The following BRSK1 variants were observed in gnomAD, a reference collection of about 807,000 sequenced individuals.
The protein encoded by BRSK1 is BR serine/threonine kinase 1.
A neutral mutation model predicts 86.2 loss-of-function variants in BRSK1; 17 were observed. That is an observed-to-expected ratio of 0.20 (90% CI 0.14 to 0.30). BRSK1 has a LOEUF of 0.30. Ranked by LOEUF, BRSK1 falls within the 10% of genes least tolerant of loss-of-function variation. The pLI is 1.00. For synonymous variants in BRSK1, 464 were observed against 440.1 expected (o/e 1.05, Z -0.68); for missense variants, 719 against 1,071.9 (o/e 0.67, Z 4.60).
intron 3 of BRSK1, among the ~76,000 whole-genome samples, chr19:55,288,293 T>G (rs752881328): frequency 2.6e-5 from 4 of 151,846 alleles, no homozygotes; most frequent in Non-Finnish European, 5.9e-5. Flanking sequence ...CTGAGCAACA[T>G]GGCAAAACCC....
chr19:55,285,988 T>A (rs1223849687), intron 1 of BRSK1, among the ~76,000 whole-genome samples: 1 of 133,490 alleles, frequency 7.5e-6, no homozygotes, highest in Non-Finnish European at 1.6e-5. Flanking sequence ...GTGCTGGGTC[T>A]GAGGGAGGAG....
intron 17 of BRSK1, among the ~76,000 whole-genome samples, chr19:55,308,057 G>A (rs1465622833): frequency 7.0e-6 from 1 of 141,878 alleles, no homozygotes; most frequent in Non-Finnish European, 1.5e-5. Context: ...GTCTTGCTCT[G>A]TCGTCCAGGC....
chr19:55,293,897 GTC>G lies in BRSK1; in HGVS notation c.459-115_459-114del, dbSNP rs536398562. The stretch of plus-strand genomic sequence containing the variant: ...CAAAATTAATGAATGATAATAAATG[GTC>G]TCTCATCCCCTAAAAATCCAAAAAG... On this transcript the variant is annotated intron_variant, in intron 4 of 18. Coordinates refer to ENST00000309383, the MANE Select transcript of BRSK1 (RefSeq NM_032430.2). 1.3e-3 allele frequency: 920 copies of G among 710,822 alleles called. 6 individuals carry two copies. In the African/African-American group the frequency reaches 0.015, roughly 11 times the overall value. 44.0% of individuals were successfully genotyped at this position (710,822 alleles called of 1,614,324 possible). A position where few individuals can be genotyped will look rare whatever the true frequency, so the allele number is the denominator to read the frequency against.
Position 55,303,589 on chromosome 19 carries a change from A to G in BRSK1, c.1127-78A>G, listed in dbSNP as rs1399805468. On this transcript the variant is annotated intron_variant, in intron 11 of 18. Coordinates refer to ENST00000309383, the MANE Select transcript of BRSK1 (RefSeq NM_032430.2). The surrounding 1 kb of genome is among the most constrained non-coding windows in gnomAD (Gnocchi z 5.1). ...CTCTCCACTCTAGGCCTGTTTCCCC[A>G]TGTGTGCAGTTTCTGAGGCAGTTGT... 6.5e-7 allele frequency: 1 copy of G among 1,537,134 alleles called. No individual in the cohort carries two copies. The highest frequency in any genetic ancestry group is 1.4e-5 in the African/African-American group (1 of 72,778).
intron 17 of BRSK1, among the ~76,000 whole-genome samples, chr19:55,308,310 C>G (rs1010374162): frequency 2.6e-5 from 4 of 152,138 alleles, no homozygotes; most frequent in African/African-American, 9.6e-5. Flanking sequence ...CAGGCATGAG[C>G]CCCTGTACCT....
At position 55,306,138 on chromosome 19, in the gene BRSK1, T is replaced by C; in HGVS notation, c.1891-114T>C. ...GTGGGGCCTCCCAATGCATTTCCTG[T>C]CCTTCTTTCCCTCCAGTGGCTCATG... On this transcript the variant is annotated intron_variant, in intron 16 of 18. Transcript: ENST00000309383. This position sits in a 1 kb window ranked among gnomAD's most constrained non-coding sequence, Gnocchi z 4.7. 1 of 1,034,130 alleles carries C rather than the reference T, an allele frequency of 9.7e-7. No homozygotes were observed. Among genetic ancestry groups the C allele is most frequent in the Non-Finnish European group, 1.4e-6 (1 of 707,146 alleles). 64.1% of individuals were successfully genotyped at this position (1,034,130 alleles called of 1,614,324 possible).
chr19:55,309,906 G>A (rs767018876), intron 18 of BRSK1, among the ~76,000 whole-genome samples: 8 of 152,154 alleles, frequency 5.3e-5, no homozygotes, highest in Admixed American at 6.6e-5. Context: ...GTGGACAGCC[G>A]TCTGCTCTGA....
At position 55,304,165 on chromosome 19, in the gene BRSK1, G is replaced by A; in HGVS notation, c.1347+55G>A. On this transcript the variant is annotated intron_variant, in intron 13 of 18. Coordinates refer to ENST00000309383, the MANE Select transcript of BRSK1 (RefSeq NM_032430.2). This position sits in a 1 kb window ranked among gnomAD's most constrained non-coding sequence, Gnocchi z 5.2. ...AAGGAGAAAGGGGTGGAGACATGGA[G>A]CAAAGATTGAGTAGCAGAAACTACA... is the stretch of plus-strand genomic sequence containing the variant. The A allele has an allele frequency of 6.6e-7, 1 of 1,522,542 alleles. No individual in the cohort carries two copies. Among genetic ancestry groups the A allele is most frequent in the Admixed American group, 1.9e-5 (1 of 53,344 alleles). 94.3% of individuals were successfully genotyped at this position (1,522,542 alleles called of 1,614,324 possible).
chr19:55,290,962 C>T (rs2088396998), intron 4 of BRSK1, among the ~76,000 whole-genome samples: 1 of 149,928 alleles, frequency 6.7e-6, no homozygotes. Context: ...CTTTTTCTGT[C>T]CTATTTAAGA....
rs534887183 is a variant in BRSK1 at position 55,302,337 on chromosome 19, A to G, written c.857+169A>G. 5.2e-6 allele frequency: 4 copies of G among 774,208 alleles called. No homozygotes were observed. In the East Asian group the frequency reaches 1.0e-4, roughly 20 times the overall value. The allele number at this position is 774,208 out of a possible 1,614,324, so 48.0% of individuals were successfully genotyped here. A position where few individuals can be genotyped will look rare whatever the true frequency, so the allele number is the denominator to read the frequency against. ...GAGGACACAGCTAGAGAAGGAGTCT[A>G]GGGGTCAGAGGCAGGAGGGGCTAAG... On this transcript the variant is annotated intron_variant, in intron 9 of 18. Transcript: ENST00000309383. The surrounding 1 kb of genome is among the most constrained non-coding windows in gnomAD (Gnocchi z 6.3).
At position 55,301,571 on chromosome 19, in the gene BRSK1, C is replaced by T; in HGVS notation, c.738C>T (p.Gly246=). The T allele has an allele frequency of 6.2e-7, 1 of 1,613,766 alleles. No individual in the cohort carries two copies. Residue 246 remains glycine (G), a synonymous_variant, in exon 8 of 19, where the codon GGC becomes GGT. Transcript: ENST00000309383. The part of the protein sequence containing the change: ...LRQLLEKVKR[G]VFHMPHFIPP... Reference sequence around the variant, plus strand: ...AGCTGCTGGAGAAGGTGAAACGGGGCGTCTTCCACATGCCCCACTTCATTC... The same window carrying T: ...AGCTGCTGGAGAAGGTGAAACGGGGTGTCTTCCACATGCCCCACTTCATTC...
chr19:55,298,704 C>T (rs1049995960), intron 7 of BRSK1, among the ~76,000 whole-genome samples: 1 of 152,222 alleles, frequency 6.6e-6, no homozygotes, highest in East Asian at 1.9e-4. Flanking sequence ...TAAACAATCC[C>T]CCTTTCACCA....
At position 55,284,418 on chromosome 19, in the gene BRSK1, C is replaced by T. The variant is rs910465851; in HGVS notation, c.-25C>T. ...GCCGCAGGGGGGGCGGCCGGGGGAC[C>T]GGTCGGGCCGGGACCAAGGGCACCA... On this transcript the variant is annotated 5_prime_UTR_variant, in exon 1 of 19. Transcript: ENST00000309383. The T allele has an allele frequency of 1.5e-4, 179 of 1,181,228 alleles. No individual in the cohort carries two copies. The highest frequency in any genetic ancestry group is 3.4e-4 in the Admixed American group (8 of 23,580). 73.2% of individuals were successfully genotyped at this position (1,181,228 alleles called of 1,614,324 possible).
At chr19:55,292,049 C>T (rs894101189) in intron 4 of BRSK1, among the ~76,000 whole-genome samples, 13 of 152,284 alleles carry the variant, frequency 8.5e-5, no homozygotes, top group African/African-American at 3.1e-4. Flanking sequence ...CTTGAGCCAC[C>T]GCACCCGGCC....
chr19:55,293,731 A>G (rs2088443170), intron 4 of BRSK1, among the ~76,000 whole-genome samples: 1 of 151,076 alleles, frequency 6.6e-6, no homozygotes, highest in African/African-American at 2.4e-5. Context: ...AATCACTTGG[A>G]CCCAGGAGAC....
At chr19:55,300,932 A>G (rs1296631975) in intron 7 of BRSK1, among the ~76,000 whole-genome samples, 2 of 152,170 alleles carry the variant, frequency 1.3e-5, no homozygotes, top group Admixed American at 1.3e-4. Context: ...TGCCTCTCCT[A>G]GCTTCTGGTG....
In BRSK1 at chr19:55,284,165, G is replaced by A. The variant is rs1369249574; in HGVS notation, c.-278G>A. 2.8e-6 allele frequency: 3 copies of A among 1,053,786 alleles called. No individual in the cohort carries two copies. Among genetic ancestry groups the A allele is most frequent in the Non-Finnish European group, 3.6e-6 (3 of 827,132 alleles). The allele number at this position is 1,053,786 out of a possible 1,614,324, so 65.3% of individuals were successfully genotyped here. ...CCCGGCGGGGGGAGGCGCAGGAAGC[G>A]GGGGGCCGGCCAGAAACGGGCTGGG... is the stretch of plus-strand genomic sequence containing the variant. On this transcript the variant is annotated 5_prime_UTR_variant, in exon 1 of 19. Coordinates refer to ENST00000309383, the MANE Select transcript of BRSK1 (RefSeq NM_032430.2).
In BRSK1 at chr19:55,284,373, A is replaced by C; in HGVS notation, c.-70A>C. 2 of 927,148 alleles carry C rather than the reference A, an allele frequency of 2.2e-6. No homozygotes were observed. 57.4% of individuals were successfully genotyped at this position (927,148 alleles called of 1,614,324 possible). On this transcript the variant is annotated 5_prime_UTR_variant, in exon 1 of 19. Transcript: ENST00000309383. ...CGGGACGGAGCGGTCGCCGGCCCCCACCGGAGAGACGGGGCGACGGCCGCA... is the reference window on the plus strand; with the variant it reads ...CGGGACGGAGCGGTCGCCGGCCCCCCCCGGAGAGACGGGGCGACGGCCGCA...
chr19:55,293,160 G>A (rs1175719900), intron 4 of BRSK1, among the ~76,000 whole-genome samples: 1 of 151,138 alleles, frequency 6.6e-6, no homozygotes. Flanking sequence ...AGGAGTTCAA[G>A]ACCAGCCTGG....
Sources: allele counts gnomAD v4.1 joint callset (sites outside exome capture counted in the v4.1 genomes callset), GRCh38; gene constraint gnomAD v4.1.1; non-coding constraint Gnocchi (gnomAD v3.1); transcripts MANE v1.5; gene names NCBI Gene and HGNC (gene_info 2026-07-23, HGNC 2026-07-21).